RBMS3: variants seen among roughly 807,000 people sequenced by gnomAD.
RBMS3 encodes the protein RNA binding motif single stranded interacting protein 3.
RBMS3 carries 27 observed loss-of-function variants against 66.8 expected under a neutral mutation model. The ratio of observed to expected loss-of-function variants is 0.40; its 90% confidence interval spans 0.30 to 0.56. The LOEUF (loss-of-function observed/expected upper bound fraction) is 0.56. Ranked by LOEUF, RBMS3 falls within the 20% of genes least tolerant of loss-of-function variation. The probability of loss-of-function intolerance (pLI) is 0.40; values close to 1 mark genes in which losing one functional copy is unlikely to be tolerated. For missense variants in RBMS3, 513 were observed against 549.5 expected (o/e 0.93, Z 0.66); for synonymous variants, 188 against 183.0 (o/e 1.03, Z -0.22).
intron 5 of RBMS3, among the ~76,000 whole-genome samples, chr3:29,761,093 A>C (rs1403915619): frequency 6.6e-6 from 1 of 152,090 alleles, no homozygotes; most frequent in East Asian, 1.9e-4. Flanking sequence ...CCTTTGTTAA[A>C]ACACTGTTAA....
chr3:29,684,791 C>G (rs1457777641), intron 4 of RBMS3, among the ~76,000 whole-genome samples: 1 of 151,134 alleles, frequency 6.6e-6, no homozygotes, highest in East Asian at 1.9e-4. Flanking sequence ...CACACACACA[C>G]ACACACACAC....
intron 6 of RBMS3, among the ~76,000 whole-genome samples, chr3:29,768,426 G>A (rs1352250768): frequency 6.6e-6 from 1 of 151,782 alleles, no homozygotes; most frequent in African/African-American, 2.4e-5. Context: ...CTAAATCTTT[G>A]TATGAGAAGC....
intron 2 of RBMS3, among the ~76,000 whole-genome samples, chr3:29,485,061 A>T (rs2043270966): frequency 6.6e-6 from 1 of 152,206 alleles, no homozygotes; most frequent in Non-Finnish European, 1.5e-5. Context: ...TTCATAATTC[A>T]TGAAGAGTAG....
chr3:29,376,131 G>C (rs891939643), intron 1 of RBMS3, among the ~76,000 whole-genome samples: 12 of 144,596 alleles, frequency 8.3e-5, no homozygotes, highest in African/African-American at 3.1e-4. Flanking sequence ...ATAAGTGGGA[G>C]CTAAATGATG....
intron 1 of RBMS3, among the ~76,000 whole-genome samples, chr3:29,378,341 G>A (rs1042410639): frequency 6.6e-6 from 1 of 151,994 alleles, no homozygotes; most frequent in Non-Finnish European, 1.5e-5. Flanking sequence ...GGGTGGTGGT[G>A]GGCACCTGTA....
At chr3:29,993,588 A>G (rs1699020494) in intron 14 of RBMS3, among the ~76,000 whole-genome samples, 1 of 152,142 alleles carries the variant, frequency 6.6e-6, no homozygotes, top group East Asian at 1.9e-4. Context: ...AGTTAGTTGA[A>G]CCCCTGAATA....
intron 14 of RBMS3, among the ~76,000 whole-genome samples, chr3:29,993,288 T>G (rs1012928679): frequency 1.3e-5 from 2 of 152,116 alleles, no homozygotes; most frequent in Non-Finnish European, 2.9e-5. Context: ...GAAACTCCAG[T>G]CCAAGCATAT....
chr3:29,600,800 G>A (rs1215344140), intron 4 of RBMS3, among the ~76,000 whole-genome samples: 8 of 152,050 alleles, frequency 5.3e-5, no homozygotes, highest in African/African-American at 1.2e-4. Flanking sequence ...CATAGTAAAA[G>A]TCATACTAAA....
intron 10 of RBMS3, among the ~76,000 whole-genome samples, chr3:29,901,031 A>G (rs943477339): frequency 3.3e-5 from 5 of 151,842 alleles, no homozygotes; most frequent in Non-Finnish European, 2.9e-5. Context: ...TATTTAAAGA[A>G]TAAAATATAT....
intron 3 of RBMS3, among the ~76,000 whole-genome samples, chr3:29,569,159 C>T (rs1012359568): frequency 2.0e-5 from 3 of 152,118 alleles, no homozygotes; most frequent in Non-Finnish European, 4.4e-5. Context: ...AGCCATTTTC[C>T]TAGTTTTTCA....
At chr3:29,709,257 C>T (rs539460841) in intron 4 of RBMS3, among the ~76,000 whole-genome samples, 1 of 152,234 alleles carries the variant, frequency 6.6e-6, no homozygotes, top group East Asian at 1.9e-4. Context: ...TGATTGCTTG[C>T]AATTACAGTC....
chr3:29,502,523 C>A (rs566195810), intron 3 of RBMS3, among the ~76,000 whole-genome samples: 26 of 152,228 alleles, frequency 1.7e-4, no homozygotes, highest in African/African-American at 6.3e-4. Flanking sequence ...CTTATTCTCC[C>A]ACTTCCATCC....
At position 29,936,188 on chromosome 3, in the gene RBMS3, A is replaced by G. The variant is rs761724059; in HGVS notation, c.1042A>G (p.Thr348Ala). 1.2e-6 allele frequency: 2 copies of G among 1,612,586 alleles called. No homozygotes were observed. The highest frequency in any genetic ancestry group is 1.7e-6 in the Non-Finnish European group (2 of 1,179,134). Residue 348 changes from threonine to alanine, a missense_variant, in exon 11 of 15, where the codon ACA (threonine) becomes GCA (alanine). Transcript: ENST00000383767. ...GATGAATCACCTTTCGTTGGGCACA[A>G]CAGGAACGGTGAGTTGAAGAGATTG... ...QQMNHLSLGT[T>A]GTIQSQDRIM... is the part of the protein sequence containing the mutation.
At chr3:29,764,508 T>C (rs1444286604) in intron 6 of RBMS3, among the ~76,000 whole-genome samples, 1 of 151,952 alleles carries the variant, frequency 6.6e-6, no homozygotes, top group Non-Finnish European at 1.5e-5. Context: ...GATACCTATT[T>C]ATATAGAAGT....
intron 3 of RBMS3, among the ~76,000 whole-genome samples, chr3:29,509,232 T>C (rs989059898): frequency 1.3e-5 from 2 of 152,080 alleles, no homozygotes; most frequent in Non-Finnish European, 2.9e-5. Flanking sequence ...CTCTGGTCAA[T>C]TCTTATCTCT....
At chr3:29,483,168 G>T (rs1278297798) in intron 2 of RBMS3, among the ~76,000 whole-genome samples, 3 of 151,660 alleles carry the variant, frequency 2.0e-5, no homozygotes, top group African/African-American at 7.3e-5. Flanking sequence ...AATTAGCCGG[G>T]CTTGGGGGCG....
Position 29,632,209 on chromosome 3 carries a change from G to T in RBMS3, c.399+45004G>T, listed in dbSNP as rs113361037. On this transcript the variant is annotated intron_variant, in intron 4 of 14. Transcript: ENST00000383767. ...CTTTTGTGCAGATGCAGGCACAGAT[G>T]ATTCAAAGTGTTAGCAACTTTCTAA... Among the ~76,000 whole-genome samples, 1,116 of 151,996 alleles carry T rather than the reference G, an allele frequency of 7.3e-3. 17 individuals carry two copies. The highest frequency in any genetic ancestry group is 0.025 in the African/African-American group (1,021 of 41,508).
chr3:29,338,245 G>C (rs2036068781), intron 1 of RBMS3, among the ~76,000 whole-genome samples: 1 of 151,988 alleles, frequency 6.6e-6, no homozygotes, highest in Non-Finnish European at 1.5e-5. Flanking sequence ...ATCAATTCTA[G>C]CATCTTAAAT....
chr3:29,357,700 T>A (rs570939137), intron 1 of RBMS3, among the ~76,000 whole-genome samples: 2 of 152,326 alleles, frequency 1.3e-5, no homozygotes, highest in South Asian at 4.1e-4. Flanking sequence ...CCACATCCTT[T>A]CCAGTACCTG....
Sources: gnomAD v4.1 joint callset for allele counts (sites outside exome capture counted in the v4.1 genomes callset) on GRCh38, gnomAD v4.1.1 for gene constraint, MANE v1.5 for transcripts, NCBI Gene and HGNC (gene_info 2026-07-23, HGNC 2026-07-21) for gene names.